Variants in HDAC4 observed in about 807,000 individuals in gnomAD.
HDAC4 encodes the protein histone deacetylase 4.
In HDAC4, 16 loss-of-function variants were observed where a neutral mutation model predicts 135.1. The observed-to-expected ratio is 0.12, with a 90% CI of 0.08 to 0.18. The LOEUF (loss-of-function observed/expected upper bound fraction) is 0.18. HDAC4 is among the 10% of genes least tolerant of loss of function. The pLI, the probability that HDAC4 is intolerant of heterozygous loss-of-function variation, is 1.00. For missense variants in HDAC4, 1,143 were observed against 1,511.8 expected (o/e 0.76, Z 4.05); for synonymous variants, 685 against 653.4 (o/e 1.05, Z -0.74).
At chr2:239,291,040 C>T (rs2051459881) in intron 2 of HDAC4, among the ~76,000 whole-genome samples, 1 of 152,380 alleles carries the variant, frequency 6.6e-6, no homozygotes, top group Non-Finnish European at 1.5e-5. Flanking sequence ...CAGAAGGCAG[C>T]GCCTGCCTCC....
chr2:239,376,173 G>A (rs1169797296), intron 1 of HDAC4, among the ~76,000 whole-genome samples: 6 of 148,960 alleles, frequency 4.0e-5, no homozygotes, highest in African/African-American at 2.5e-5. Context: ...ACCAAGGCAG[G>A]TGCTGTGTGC....
chr2:239,156,416 G>A (rs1265234930), intron 7 of HDAC4, among the ~76,000 whole-genome samples: 2 of 152,260 alleles, frequency 1.3e-5, no homozygotes, highest in African/African-American at 2.4e-5. Flanking sequence ...TTCAAAGTGA[G>A]TTTGAGTGTT....
At chr2:239,315,787 C>T (rs1012510501) in intron 2 of HDAC4, among the ~76,000 whole-genome samples, 7 of 152,180 alleles carry the variant, frequency 4.6e-5, no homozygotes, top group South Asian at 4.2e-4. Flanking sequence ...ATGTAAAAAA[C>T]GAAACCGTAC....
chr2:239,134,391 T>C lies in HDAC4; in HGVS notation c.1148A>G (p.Gln383Arg). Reference protein sequence around the residue: ...AERLTLPALQQRLSLFPGTHL... With the variant: ...AERLTLPALQRRLSLFPGTHL... ...GGTGCCGGGGAAAAGGGAGAGCCTC[T>C]GCTGGAGGGCGGGAAGGGTGAGTCT... Residue 383 changes from glutamine to arginine, a missense_variant, in exon 11 of 27, where the codon CAG becomes CGG. Transcript: ENST00000543185. 1 of 1,613,852 alleles carries C rather than the reference T, an allele frequency of 6.2e-7. No homozygotes were observed.
At chr2:239,124,406 G>A (rs148960575) in intron 12 of HDAC4, among the ~76,000 whole-genome samples, 1,765 of 152,316 alleles carry the variant, frequency 0.012, 18 homozygotes, top group Non-Finnish European at 0.02. Context: ...TACCACACGC[G>A]GCCTCTCGTG....
intron 11 of HDAC4, among the ~76,000 whole-genome samples, chr2:239,129,589 G>T (rs940072799): frequency 2.0e-5 from 3 of 152,186 alleles, no homozygotes; most frequent in Non-Finnish European, 2.9e-5. Context: ...TGTGCCCAGT[G>T]CAAGGGCAAC....
At chr2:239,267,692 T>C (rs1444300063) in intron 2 of HDAC4, among the ~76,000 whole-genome samples, 1 of 152,266 alleles carries the variant, frequency 6.6e-6, no homozygotes, top group African/African-American at 2.4e-5. Flanking sequence ...TGCGCCCTTC[T>C]ACACGGCAAT....
At chr2:239,172,390 C>G (rs1234624867) in intron 5 of HDAC4, among the ~76,000 whole-genome samples, 4 of 150,446 alleles carry the variant, frequency 2.7e-5, no homozygotes, top group African/African-American at 9.8e-5. Flanking sequence ...TCATATTGTA[C>G]AATGATAGAT....
chr2:239,135,168 G>T (rs1575148350), intron 9 of HDAC4, among the ~76,000 whole-genome samples: 1 of 152,132 alleles, frequency 6.6e-6, no homozygotes, highest in Non-Finnish European at 1.5e-5. Context: ...CCCACACTTC[G>T]CATGACGTGA....
chr2:239,075,718 TAC>T (rs979989281), intron 22 of HDAC4, among the ~76,000 whole-genome samples: 1 of 152,242 alleles, frequency 6.6e-6, no homozygotes, highest in Admixed American at 6.5e-5. Context: ...GCACCTTCGT[TAC>T]CGACACAGCA....
rs1369488149 is a variant in HDAC4, at chr2:239,331,753, G to A, written c.22+20925C>T. On this transcript the variant is annotated intron_variant, in intron 2 of 26. Coordinates refer to ENST00000543185, the MANE Select transcript of HDAC4 (RefSeq NM_001378414.1). This position sits in a 1 kb window ranked among gnomAD's most constrained non-coding sequence, Gnocchi z 4.5. ...GAGGACAGGATGCAATCTAAAACAC[G>A]GCGATGCACGAGGAGCCCAGGCCTG... is the stretch of plus-strand genomic sequence containing the variant. 1.3e-5 allele frequency among the ~76,000 whole-genome samples: 2 copies of A among 152,234 alleles called. No individual in the cohort carries two copies. The highest frequency in any genetic ancestry group is 2.4e-5 in the African/African-American group (1 of 41,540).
At chr2:239,145,336 G>A (rs933071754) in intron 7 of HDAC4, among the ~76,000 whole-genome samples, 2 of 152,186 alleles carry the variant, frequency 1.3e-5, no homozygotes, top group South Asian at 2.1e-4. Flanking sequence ...CATCTGCGCC[G>A]GCTTCACCTT....
chr2:239,365,281 T>A (rs1046886355), intron 1 of HDAC4, among the ~76,000 whole-genome samples: 1 of 152,262 alleles, frequency 6.6e-6, no homozygotes, highest in Admixed American at 6.5e-5. Flanking sequence ...CTCCATAATT[T>A]GTTGGGACAG....
At chr2:239,294,200 T>C (rs1213285550) in intron 2 of HDAC4, among the ~76,000 whole-genome samples, 2 of 152,168 alleles carry the variant, frequency 1.3e-5, no homozygotes, top group Non-Finnish European at 2.9e-5. Flanking sequence ...GATCCACCTC[T>C]ATCAACTCCC....
intron 5 of HDAC4, among the ~76,000 whole-genome samples, chr2:239,175,644 C>T (rs1358559189): frequency 6.6e-6 from 1 of 152,184 alleles, no homozygotes; most frequent in African/African-American, 2.4e-5. Flanking sequence ...CGCTGCTGGC[C>T]CTCACTGGGC....
intron 11 of HDAC4, among the ~76,000 whole-genome samples, chr2:239,132,045 G>A (rs890782072): frequency 6.6e-6 from 1 of 152,168 alleles, no homozygotes; most frequent in Non-Finnish European, 1.5e-5. Flanking sequence ...TGGCGGGGCT[G>A]GGGGAGGGCC....
At chr2:239,298,105 TA>T (rs1418232308) in intron 2 of HDAC4, 63 of 852,852 alleles carry the variant, frequency 7.4e-5, no homozygotes, top group East Asian at 1.2e-4. Flanking sequence ...TTTCACAGGA[TA>T]AAAAAAATTA....
In HDAC4 at chr2:239,265,133, C is replaced by T. The variant is rs369596270; in HGVS notation, c.23-28469G>A. ...CACCTCCCTTGAACCACTGTGAACC[C>T]GCCCCAGGGGAGGACTTGCTGCTCC... On this transcript the variant is annotated intron_variant, in intron 2 of 26. Transcript: ENST00000543185. Among the ~76,000 whole-genome samples the T allele has an allele frequency of 9.9e-5, 15 of 152,268 alleles. No individual in the cohort carries two copies. In the East Asian group the frequency reaches 1.6e-3, roughly 16 times the overall value.
intron 18 of HDAC4, among the ~76,000 whole-genome samples, chr2:239,088,984 C>G (rs1402760496): frequency 1.3e-5 from 2 of 152,154 alleles, no homozygotes; most frequent in Non-Finnish European, 2.9e-5. Context: ...TACCAATCAC[C>G]CATGAACGAA....
Sources: gnomAD v4.1 joint callset for allele counts (sites outside exome capture counted in the v4.1 genomes callset) on GRCh38, gnomAD v4.1.1 for gene constraint, Gnocchi (gnomAD v3.1) non-coding constraint, MANE v1.5 for transcripts, NCBI Gene and HGNC (gene_info 2026-07-23, HGNC 2026-07-21) for gene names.